Variants in MDM4 observed in about 807,000 individuals in gnomAD.
MDM4 encodes MDM4 regulator of p53.
Under a neutral mutation model 60.2 loss-of-function variants are expected in MDM4, and 2 were observed. The observed-to-expected ratio is 0.03, with a 90% CI of 0.01 to 0.10. MDM4 has a LOEUF of 0.10. Ranked by LOEUF, MDM4 falls within the 10% of genes least tolerant of loss-of-function variation. The probability of loss-of-function intolerance (pLI) is 1.00; values close to 1 mark genes in which losing one functional copy is unlikely to be tolerated. For missense variants in MDM4, 447 were observed against 577.5 expected (o/e 0.77, Z 2.32); for synonymous variants, 202 against 198.1 (o/e 1.02, Z -0.17).
In MDM4 at chr1:204,530,804, G is replaced by C. The variant is rs1470544871; in HGVS notation, c.274G>C (p.Val92Leu). 1 of 1,614,162 alleles carries C rather than the reference G, an allele frequency of 6.2e-7. No homozygotes were observed. Among genetic ancestry groups the C allele is most frequent in the South Asian group, 1.1e-5 (1 of 91,076 alleles). The part of the protein sequence containing the change: ...GELLGRQSFS[V>L]KDPSPLYDML... Reference sequence around the variant, plus strand: ...ACTACTGGGACGTCAGAGCTTCTCCGTGAAAGACCCAAGGTAAAAACAGTG... The same window carrying C: ...ACTACTGGGACGTCAGAGCTTCTCCCTGAAAGACCCAAGGTAAAAACAGTG... The change falls in exon 4 of 11, where the codon GTG (valine) becomes CTG (leucine). Residue 92 changes from valine (V) to leucine (L), a missense_variant. Transcript: ENST00000367182.
intron 5 of MDM4, chr1:204,532,721 T>C (rs186234544): frequency 6.3e-7 from 1 of 1,597,008 alleles, no homozygotes. Flanking sequence ...GTCTTTAATC[T>C]ATAAAACTTA....
At position 204,552,702 on chromosome 1, in the gene MDM4, A is replaced by G. The variant is rs1466329488; in HGVS notation, c.*3020A>G. ...TATTTGATCCTAAATTTGACACATC[A>G]TTGCCCATGAAAGAATCCTCTTAGG... On this transcript the variant is annotated 3_prime_UTR_variant, in exon 11 of 11. Coordinates refer to ENST00000367182, the MANE Select transcript of MDM4 (RefSeq NM_002393.5). The G allele has an allele frequency of 5.5e-6, 1 of 180,814 alleles. No individual in the cohort carries two copies. Among genetic ancestry groups the G allele is most frequent in the Non-Finnish European group, 1.2e-5 (1 of 84,566 alleles). 11.2% of individuals were successfully genotyped at this position (180,814 alleles called of 1,614,324 possible).
chr1:204,538,054 G>T (rs1173799691), intron 6 of MDM4, 155 bp from the exon 7 acceptor site: 1 of 769,242 alleles, frequency 1.3e-6, no homozygotes, highest in East Asian at 2.4e-5. Flanking sequence ...GAGGAGAGGT[G>T]TTGCCTTTAT....
intron 1 of MDM4, among the ~76,000 whole-genome samples, chr1:204,522,863 CT>C (rs10711972): frequency 0.57 from 80,911 of 141,116 alleles, 25,024 homozygotes; most frequent in Non-Finnish European, 0.69. Context: ...TACTGATTGT[CT>C]TTTTTTTTTT....
intron 1 of MDM4, among the ~76,000 whole-genome samples, chr1:204,522,402 ATTT>A (rs373501508): frequency 2.2e-5 from 3 of 138,416 alleles, no homozygotes; most frequent in Non-Finnish European, 3.0e-5. Flanking sequence ...CAGGTTTTAA[ATTT>A]TTTTTTTTTT....
intron 7 of MDM4, among the ~76,000 whole-genome samples, chr1:204,540,386 G>T (rs1440695795): frequency 6.6e-6 from 1 of 152,134 alleles, no homozygotes; most frequent in Non-Finnish European, 1.5e-5. Context: ...CCCTTGGATG[G>T]TAGTCACCAG....
At chr1:204,529,022 C>T in intron 3 of MDM4, 3 of 1,515,440 alleles carry the variant, frequency 2.0e-6, no homozygotes, top group Non-Finnish European at 2.7e-6. Flanking sequence ...AGCTGGAGAC[C>T]AGTAGCTGGG....
intron 9 of MDM4, among the ~76,000 whole-genome samples, chr1:204,545,351 A>G (rs1038143507): frequency 6.6e-6 from 1 of 152,214 alleles, no homozygotes; most frequent in African/African-American, 2.4e-5. Flanking sequence ...TACATATGGT[A>G]TGTACTCATG....
chr1:204,546,834 C>CTTT lies in MDM4; in HGVS notation c.861_862insTTT (p.Ser287_Lys288insPhe). The CTTT allele has an allele frequency of 6.2e-7, 1 of 1,613,290 alleles. No homozygotes were observed. The highest frequency in any genetic ancestry group is 1.1e-5 in the South Asian group (1 of 91,002). On this transcript the variant is annotated inframe_insertion, in exon 10 of 11. Coordinates refer to ENST00000367182, the MANE Select transcript of MDM4 (RefSeq NM_002393.5). ...GGAAAAAATGATGACCTGGAGGACT[C>CTTT]TAAGTCCTTAAGTGATGATACCGAT... is the stretch of plus-strand genomic sequence containing the variant.
chr1:204,531,665 T>C (rs1280354131), intron 4 of MDM4, among the ~76,000 whole-genome samples: 1 of 151,996 alleles, frequency 6.6e-6, no homozygotes, highest in Non-Finnish European at 1.5e-5. Context: ...ACGCCGTCTC[T>C]ACTAAAAATA....
At chr1:204,518,314 T>G (rs1659203648) in intron 1 of MDM4, among the ~76,000 whole-genome samples, 1 of 152,226 alleles carries the variant, frequency 6.6e-6, no homozygotes, top group African/African-American at 2.4e-5. Flanking sequence ...GGCCACCGGC[T>G]GCAGTTGGTT....
chr1:204,536,488 CA>C (rs1661441414), intron 5 of MDM4, among the ~76,000 whole-genome samples: 2 of 152,222 alleles, frequency 1.3e-5, no homozygotes, highest in South Asian at 4.1e-4. Context: ...CAGCCTTTAT[CA>C]GATGGTGATG....
In MDM4 at chr1:204,557,425, CAG is replaced by C. The variant is rs1571483643; in HGVS notation, c.*7746_*7747del. On this transcript the variant is annotated 3_prime_UTR_variant, in exon 11 of 11. Transcript: ENST00000367182. ...ACAAAAAAAAATTTTTTTTTTGAGA[CAG>C]AGTCTTACTCTGTCACCCAGGCTGG... The C allele has an allele frequency of 1.1e-5, 2 of 177,746 alleles. No homozygotes were observed. The highest frequency in any genetic ancestry group is 2.4e-5 in the Non-Finnish European group (2 of 82,824). 11.0% of individuals were successfully genotyped at this position (177,746 alleles called of 1,614,324 possible). A position where few individuals can be genotyped will look rare whatever the true frequency, so the allele number is the denominator to read the frequency against.
intron 3 of MDM4, among the ~76,000 whole-genome samples, chr1:204,528,062 T>C (rs957287405): frequency 6.8e-5 from 10 of 147,618 alleles, no homozygotes; most frequent in Non-Finnish European, 1.0e-4. Context: ...CCCAAACTTA[T>C]TAAAGTCTGG....
At chr1:204,519,581 T>A (rs1351210042) in intron 1 of MDM4, among the ~76,000 whole-genome samples, 1 of 152,186 alleles carries the variant, frequency 6.6e-6, no homozygotes, top group African/African-American at 2.4e-5. Context: ...TGGTGGCTCA[T>A]GCCTGTAATC....
chr1:204,549,358 C>G lies in MDM4; in HGVS notation c.1149C>G (p.Ser383=), dbSNP rs1253669683. ...ATGCGTATATAAAGAAAGAAAACTC[C>G]AAACTTTTTGATCCCTGCAACTCAG... ...PKDAYIKKEN[S]KLFDPCNSVE... The change falls in exon 11 of 11, where the codon TCC becomes TCG. Residue 383 remains serine (S), a synonymous_variant. Coordinates refer to ENST00000367182, the MANE Select transcript of MDM4 (RefSeq NM_002393.5). 1.2e-6 allele frequency: 2 copies of G among 1,614,156 alleles called. No individual in the cohort carries two copies. The highest frequency in any genetic ancestry group is 1.7e-6 in the Non-Finnish European group (2 of 1,180,026).
chr1:204,555,834 C>T lies in MDM4; in HGVS notation c.*6152C>T. The T allele has an allele frequency of 5.5e-6, 1 of 183,220 alleles. No individual in the cohort carries two copies. The highest frequency in any genetic ancestry group is 6.2e-5 in the Admixed American group (1 of 16,028). 11.3% of individuals were successfully genotyped at this position (183,220 alleles called of 1,614,324 possible). The stretch of plus-strand genomic sequence containing the variant: ...GAGCCGAGACTGCACCACTGCGCTC[C>T]CACCTGGGTGACAGAGACTCTGTCT... On this transcript the variant is annotated 3_prime_UTR_variant, in exon 11 of 11. Transcript: ENST00000367182.
At chr1:204,517,304 G>A (rs750021465) in intron 1 of MDM4, among the ~76,000 whole-genome samples, 10 of 151,974 alleles carry the variant, frequency 6.6e-5, no homozygotes, top group Admixed American at 5.9e-4. Flanking sequence ...ACAGTATCGA[G>A]ATGGGGCTCA....
chr1:204,538,242 A>G lies in MDM4; in HGVS notation c.445A>G (p.Arg149Gly), dbSNP rs771038153. 2 of 1,610,342 alleles carry G rather than the reference A, an allele frequency of 1.2e-6. No individual in the cohort carries two copies. The highest frequency in any genetic ancestry group is 2.7e-5 in the African/African-American group (2 of 74,982). Residue 149 changes from arginine (R) to glycine (G), a missense_variant, in exon 7 of 11, where the codon AGA becomes GGA. Transcript: ENST00000367182. ...SAEESSTSRK[R>G]TTEDDIPTLP... is the part of the protein sequence containing the mutation. Reference sequence around the variant, plus strand: ...AGAGGAAAGTTCCACTTCCAGAAAAAGAACTACAGAAGACGATATCCCCAC... The same window carrying G: ...AGAGGAAAGTTCCACTTCCAGAAAAGGAACTACAGAAGACGATATCCCCAC...
Sources: allele counts gnomAD v4.1 joint callset (sites outside exome capture counted in the v4.1 genomes callset), GRCh38; gene constraint gnomAD v4.1.1; transcripts MANE v1.5; gene names NCBI Gene and HGNC (gene_info 2026-07-23, HGNC 2026-07-21).